The following AGAP1 variants were observed in gnomAD, a reference collection of about 807,000 sequenced individuals.
The protein encoded by AGAP1 is ArfGAP with GTPase domain, ankyrin repeat and PH domain 1, also known as arf-GAP with GTPase, ANK repeat and PH domain-containing protein 1.
A neutral mutation model predicts 105.3 loss-of-function variants in AGAP1; 29 were observed. The observed-to-expected ratio is 0.28, with a 90% CI of 0.21 to 0.38. The LOEUF (loss-of-function observed/expected upper bound fraction) is 0.38. Among genes scored for constraint, AGAP1 ranks in the 10% least tolerant of loss-of-function variants. The pLI, the probability that AGAP1 is intolerant of heterozygous loss-of-function variation, is 1.00. For missense variants in AGAP1, 998 were observed against 1,165.1 expected (o/e 0.86, Z 2.09); for synonymous variants, 509 against 485.9 (o/e 1.05, Z -0.63).
chr2:235,609,939 A>G lies in AGAP1; in HGVS notation c.164-99240A>G, dbSNP rs970135366. Among the ~76,000 whole-genome samples, 1 of 152,044 alleles carries G rather than the reference A, an allele frequency of 6.6e-6. No individual in the cohort carries two copies. The highest frequency in any genetic ancestry group is 1.5e-5 in the Non-Finnish European group (1 of 68,010). On this transcript the variant is annotated intron_variant, in intron 1 of 17. Transcript: ENST00000304032. This position sits in a 1 kb window ranked among gnomAD's most constrained non-coding sequence, Gnocchi z 5.1. ...GCTGGGTGCAGGGAGTGAGTGGCCA[A>G]CCACCTGAGAATACCTGGTGTTTCC... is the stretch of plus-strand genomic sequence containing the variant.
chr2:235,669,157 AT>A (rs1411159871), intron 1 of AGAP1, among the ~76,000 whole-genome samples: 1 of 152,134 alleles, frequency 6.6e-6, no homozygotes, highest in Non-Finnish European at 1.5e-5. Context: ...GTGGCCCTTC[AT>A]TGGGATGGCA....
chr2:235,634,668 TAG>T (rs1466514735), intron 1 of AGAP1, among the ~76,000 whole-genome samples: 2 of 152,232 alleles, frequency 1.3e-5, no homozygotes, highest in African/African-American at 2.4e-5. Context: ...CATTCCATTT[TAG>T]AGAGGCTTGT....
At chr2:235,532,750 A>G (rs1249517183) in intron 1 of AGAP1, among the ~76,000 whole-genome samples, 3 of 152,246 alleles carry the variant, frequency 2.0e-5, no homozygotes, top group African/African-American at 7.2e-5. Context: ...AAGAAAACCA[A>G]GAGCTCCTAC....
At position 235,799,864 on chromosome 2, in the gene AGAP1, TA is replaced by T. The variant is rs1423863239; in HGVS notation, c.957+344del. Among the ~76,000 whole-genome samples, 1 of 152,134 alleles carries T rather than the reference TA, an allele frequency of 6.6e-6. No homozygotes were observed. The highest frequency in any genetic ancestry group is 1.5e-5 in the Non-Finnish European group (1 of 68,036). On this transcript the variant is annotated intron_variant, in intron 8 of 17. Coordinates refer to ENST00000304032, the MANE Select transcript of AGAP1 (RefSeq NM_001037131.3). This position sits in a 1 kb window ranked among gnomAD's most constrained non-coding sequence, Gnocchi z 5.0. ...TCTAAGATTCCCAGATGTGTGTCTC[TA>T]ACCGTTCAGATGATATATAAGCTAT...
chr2:235,752,890 C>T lies in AGAP1; in HGVS notation c.673+2402C>T, dbSNP rs1953569452. On this transcript the variant is annotated intron_variant, in intron 6 of 17. Coordinates refer to ENST00000304032, the MANE Select transcript of AGAP1 (RefSeq NM_001037131.3). This position sits in a 1 kb window ranked among gnomAD's most constrained non-coding sequence, Gnocchi z 4.3. ...GCTTATACAACAGACTTTTACTTGT[C>T]CTACTTACGGAGGATGGGAGTCCAG... Among the ~76,000 whole-genome samples the T allele has an allele frequency of 6.6e-6, 1 of 152,184 alleles. No individual in the cohort carries two copies. The highest frequency in any genetic ancestry group is 1.5e-5 in the Non-Finnish European group (1 of 68,030).
intron 1 of AGAP1, among the ~76,000 whole-genome samples, chr2:235,674,000 A>G (rs905465753): frequency 1.3e-5 from 2 of 152,260 alleles, no homozygotes; most frequent in African/African-American, 4.8e-5. Context: ...TTTAAAGCAC[A>G]CACAGGCTCC....
intron 11 of AGAP1, among the ~76,000 whole-genome samples, chr2:235,911,620 A>G (rs982822747): frequency 1.7e-4 from 26 of 152,258 alleles, no homozygotes; most frequent in African/African-American, 5.8e-4. Context: ...AAACCGTACC[A>G]TATCTGATGG....
chr2:236,093,201 G>A (rs1456411392), intron 16 of AGAP1, among the ~76,000 whole-genome samples: 6 of 152,176 alleles, frequency 3.9e-5, no homozygotes, highest in African/African-American at 1.4e-4. Flanking sequence ...TGCACCCCTG[G>A]GGGAGAGGAA....
At position 235,988,953 on chromosome 2, in the gene AGAP1, T is replaced by C. The variant is rs10193796; in HGVS notation, c.1645+20330T>C. 0.56 allele frequency among the ~76,000 whole-genome samples: 85,746 copies of C among 151,862 alleles called. 24,304 individuals carry two copies. The highest frequency in any genetic ancestry group is 0.68 in the South Asian group (3,262 of 4,798). On this transcript the variant is annotated intron_variant, in intron 13 of 17. Coordinates refer to ENST00000304032, the MANE Select transcript of AGAP1 (RefSeq NM_001037131.3). This position sits in a 1 kb window ranked among gnomAD's most constrained non-coding sequence, Gnocchi z 4.7. Reference sequence around the variant, plus strand: ...CTCACACACCTGCACCTTGGGGTCGTTGAGTTTTAGTTTAGGTCTTCCGAG... The same window carrying C: ...CTCACACACCTGCACCTTGGGGTCGCTGAGTTTTAGTTTAGGTCTTCCGAG...
At chr2:235,912,084 G>C (rs2051645811) in intron 11 of AGAP1, among the ~76,000 whole-genome samples, 1 of 152,218 alleles carries the variant, frequency 6.6e-6, no homozygotes, top group African/African-American at 2.4e-5. Context: ...TGGGTTCTGA[G>C]AATAAGCCAT....
chr2:235,921,885 C>G (rs1350422102), intron 11 of AGAP1, among the ~76,000 whole-genome samples: 1 of 152,232 alleles, frequency 6.6e-6, no homozygotes, highest in East Asian at 1.9e-4. Context: ...AGGCAGATCT[C>G]CAATGCAAAT....
chr2:235,505,782 T>G (rs1371196112), intron 1 of AGAP1: 2 of 152,120 alleles, frequency 1.3e-5, no homozygotes, highest in East Asian at 3.9e-4. Flanking sequence ...CAGAGTCACT[T>G]CAGCCTGGGA....
chr2:235,856,801 T>G (rs1272272662), intron 9 of AGAP1, among the ~76,000 whole-genome samples: 1 of 152,226 alleles, frequency 6.6e-6, no homozygotes, highest in African/African-American at 2.4e-5. Flanking sequence ...ATTTCAAAAC[T>G]TCAGCCAGTG....
rs1957502857 is a variant in AGAP1 at position 235,801,698 on chromosome 2, TG to T, written c.957+2179del. Among the ~76,000 whole-genome samples, 1 of 151,874 alleles carries T rather than the reference TG, an allele frequency of 6.6e-6. No homozygotes were observed. Among genetic ancestry groups the T allele is most frequent in the African/African-American group, 2.4e-5 (1 of 41,354 alleles). ...AAGATGCAGCTGGATTGAGAGAAGG[TG>T]GGCTGTGGGCAGGCGGCCTGTGCCC... is the stretch of plus-strand genomic sequence containing the variant. On this transcript the variant is annotated intron_variant, in intron 8 of 17. Transcript: ENST00000304032. This position sits in a 1 kb window ranked among gnomAD's most constrained non-coding sequence, Gnocchi z 6.0.
At chr2:235,513,431 G>T (rs1163377183) in intron 1 of AGAP1, among the ~76,000 whole-genome samples, 1 of 150,122 alleles carries the variant, frequency 6.7e-6, no homozygotes. Context: ...TGAGGCAGGA[G>T]AATCCCTTGA....
At chr2:235,686,554 T>TAC (rs1315334928) in intron 1 of AGAP1, among the ~76,000 whole-genome samples, 55 of 51,380 alleles carry the variant, frequency 1.1e-3, no homozygotes, top group Non-Finnish European at 1.4e-3. Context: ...GAGATATATA[T>TAC]ATACACACAC....
At chr2:235,688,631 G>A (rs907477723) in intron 1 of AGAP1, among the ~76,000 whole-genome samples, 1 of 152,164 alleles carries the variant, frequency 6.6e-6, no homozygotes, top group Admixed American at 6.5e-5. Flanking sequence ...AGTGGGAATT[G>A]GAATTTTTTC....
rs1431393044 is a variant in AGAP1, at chr2:235,569,855, T to G, written c.163+75006T>G. ...CAGTAGCTGAAAGTGGATGCTATTG[T>G]TTTTCCGATTGCTGGTCTCTTTACT... On this transcript the variant is annotated intron_variant, in intron 1 of 17. Transcript: ENST00000304032. This position sits in a 1 kb window ranked among gnomAD's most constrained non-coding sequence, Gnocchi z 5.9. 1.3e-5 allele frequency among the ~76,000 whole-genome samples: 2 copies of G among 152,174 alleles called. No individual in the cohort carries two copies. The highest frequency in any genetic ancestry group is 4.8e-5 in the African/African-American group (2 of 41,440).
At chr2:236,103,416 C>T (rs1257464905) in intron 16 of AGAP1, among the ~76,000 whole-genome samples, 1 of 152,172 alleles carries the variant, frequency 6.6e-6, no homozygotes, top group African/African-American at 2.4e-5. Flanking sequence ...GCAGTCTGAC[C>T]CTGCTGGGCC....
Sources: gnomAD v4.1 joint callset for allele counts (sites outside exome capture counted in the v4.1 genomes callset) on GRCh38, gnomAD v4.1.1 for gene constraint, Gnocchi (gnomAD v3.1) non-coding constraint, MANE v1.5 for transcripts, NCBI Gene and HGNC (gene_info 2026-07-23, HGNC 2026-07-21) for gene names.